The following MPRIP variants were observed in gnomAD, a reference collection of about 807,000 sequenced individuals.
The protein encoded by MPRIP is myosin phosphatase Rho interacting protein.
In MPRIP, 59 loss-of-function variants were observed where a neutral mutation model predicts 234.9. That is an observed-to-expected ratio of 0.25 (90% CI 0.20 to 0.31). The LOEUF is 0.31. Ranked by LOEUF, MPRIP falls within the 10% of genes least tolerant of loss-of-function variation. MPRIP has a pLI of 1.00. For synonymous variants in MPRIP, 1,144 were observed against 1,263.9 expected (o/e 0.91, Z 2.01); for missense variants, 2,436 against 3,071.0 (o/e 0.79, Z 4.89).
chr17:17,162,749 G>A (rs527281333), intron 15 of MPRIP, among the ~76,000 whole-genome samples: 6 of 152,284 alleles, frequency 3.9e-5, no homozygotes, highest in Middle Eastern at 3.4e-3. Flanking sequence ...ATCCAAAACT[G>A]AACGCTGACA....
At chr17:17,089,326 C>G (rs888310570) in intron 3 of MPRIP, among the ~76,000 whole-genome samples, 4 of 152,330 alleles carry the variant, frequency 2.6e-5, no homozygotes, top group Admixed American at 6.5e-5. Flanking sequence ...TTTGCAGGCT[C>G]CAGTGGCCAC....
chr17:17,109,166 A>G (rs1299363273), intron 3 of MPRIP, among the ~76,000 whole-genome samples: 1 of 152,170 alleles, frequency 6.6e-6, no homozygotes, highest in Non-Finnish European at 1.5e-5. Context: ...AAAATATTCA[A>G]TCAGTATCCG....
chr17:17,103,910 A>C (rs759895634), intron 3 of MPRIP, among the ~76,000 whole-genome samples: 1 of 152,062 alleles, frequency 6.6e-6, no homozygotes, highest in Non-Finnish European at 1.5e-5. Context: ...TAGCAGTGAG[A>C]TATCTCCTAG....
chr17:17,171,648 C>T (rs1424687812), intron 16 of MPRIP, 70 bp from the exon 17 acceptor site: 19 of 1,560,390 alleles, frequency 1.2e-5, no homozygotes, highest in Non-Finnish European at 1.6e-5. Flanking sequence ...TTCCTGGCTC[C>T]TTTATTTAAA....
chr17:17,082,045 T>G (rs1291227142), intron 3 of MPRIP, among the ~76,000 whole-genome samples: 1 of 152,102 alleles, frequency 6.6e-6, no homozygotes, highest in African/African-American at 2.4e-5. Context: ...CCTTTGTTTC[T>G]CCACCTGTAA....
At chr17:17,131,576 C>T (rs781358696) in intron 4 of MPRIP, 41 bp from the exon 5 acceptor site, 11 of 1,579,684 alleles carry the variant, frequency 7.0e-6, no homozygotes, top group Middle Eastern at 1.7e-4. Flanking sequence ...TCCCCGAGTG[C>T]CAGGGTCTTA....
intron 1 of MPRIP, chr17:17,057,601 CTG>C (rs1194014368): frequency 1.4e-6 from 1 of 718,100 alleles, no homozygotes. Flanking sequence ...CTGTTCATCA[CTG>C]TTACCAGTTT....
In MPRIP at chr17:17,165,899, C is replaced by T. The variant is rs1270684514; in HGVS notation, c.4308C>T (p.Ser1436=). The T allele has an allele frequency of 1.5e-6, 2 of 1,303,750 alleles. No individual in the cohort carries two copies. The highest frequency in any genetic ancestry group is 2.5e-5 in the South Asian group (2 of 80,964). 80.8% of individuals were successfully genotyped at this position (1,303,750 alleles called of 1,614,324 possible). The part of the protein sequence containing the change: ...EAQLREQLRA[S]LLQVGALASQ... ...AGCTGCGTGAGCAGCTCCGCGCCAG[C>T]CTGCTCCAGGTTGGCGCACTGGCCT... The change falls in exon 16 of 24, where the codon AGC becomes AGT. Residue 1436 remains serine, a synonymous_variant. Transcript: ENST00000651222.
chr17:17,118,167 T>C (rs2090320906), intron 3 of MPRIP, among the ~76,000 whole-genome samples: 1 of 152,240 alleles, frequency 6.6e-6, no homozygotes, highest in African/African-American at 2.4e-5. Context: ...TCACGGGGGC[T>C]GTGTGGCTAG....
At chr17:17,145,966 C>G (rs2045455111) in intron 9 of MPRIP, 70 bp from the exon 10 acceptor site, 2 of 1,431,044 alleles carry the variant, frequency 1.4e-6, no homozygotes, top group Admixed American at 1.8e-5. Context: ...GACAGAAATA[C>G]TGGCCCCATC....
Position 17,042,906 on chromosome 17 carries a change from A to C in MPRIP, c.58A>C (p.Ser20Arg). The C allele has an allele frequency of 6.2e-7, 1 of 1,610,386 alleles. No homozygotes were observed. Among genetic ancestry groups the C allele is most frequent in the South Asian group, 1.1e-5 (1 of 90,964 alleles). The change falls in exon 1 of 24, where the codon AGC becomes CGC. Residue 20 changes from serine to arginine, a missense_variant. Physicochemically the swap from Ser to Arg is moderately radical, Grantham distance 110 (BLOSUM62 -1). Coordinates refer to ENST00000651222, the MANE Select transcript of MPRIP (RefSeq NM_001364716.4). ...ATTCCAGGCCAACATCTTCAACAAG[A>C]GCAAGTGTCAGAACTGCTTCAAGCC... ...RKFQANIFNKSKCQNCFKPRE... is the reference protein window; with the variant it reads ...RKFQANIFNKRKCQNCFKPRE...
chr17:17,049,578 T>G (rs1567680155), intron 1 of MPRIP, among the ~76,000 whole-genome samples: 1 of 152,214 alleles, frequency 6.6e-6, no homozygotes, highest in Non-Finnish European at 1.5e-5. Flanking sequence ...CCCAAGCCAC[T>G]CTTTCCCACC....
At chr17:17,163,989 A>G in intron 15 of MPRIP, 120 bp from the exon 16 acceptor site, 1 of 582,942 alleles carries the variant, frequency 1.7e-6, no homozygotes, top group Non-Finnish European at 2.6e-6. Flanking sequence ...ATAAAGTTGT[A>G]CAAAGGATAA....
chr17:17,179,143 G>A (rs184678214), intron 22 of MPRIP, among the ~76,000 whole-genome samples: 2 of 151,196 alleles, frequency 1.3e-5, no homozygotes, highest in African/African-American at 2.4e-5. Flanking sequence ...GTGAAACCCC[G>A]TCTCTACTAA....
intron 3 of MPRIP, chr17:17,096,944 C>T (rs1233567532): frequency 1.3e-5 from 5 of 393,014 alleles, no homozygotes; most frequent in Non-Finnish European, 2.1e-5. Context: ...AGGGGCCAGC[C>T]ATCGCAGGGA....
chr17:17,159,595 A>C (rs12452802), intron 14 of MPRIP, among the ~76,000 whole-genome samples: 1 of 152,158 alleles, frequency 6.6e-6, no homozygotes, highest in African/African-American at 2.4e-5. Flanking sequence ...ACCTAGGTAC[A>C]TAGATGAACA....
Position 17,158,854 on chromosome 17 carries a change from A to C in MPRIP, c.2252A>C (p.His751Pro). Reference protein sequence around the residue: ...PMSDLKTHNVHVEIEQRWHQV... With the variant: ...PMSDLKTHNVPVEIEQRWHQV... ...AGCGACCTCAAAACGCATAACGTCC[A>C]CGTGGAGATTGAGCAGCGGTGGCAT... Residue 751 changes from histidine to proline, a missense_variant, in exon 14 of 24, where the codon CAC becomes CCC. His to Pro is a moderately conservative substitution (Grantham distance 77, BLOSUM62 -2). Coordinates refer to ENST00000651222, the MANE Select transcript of MPRIP (RefSeq NM_001364716.4). The C allele has an allele frequency of 6.2e-7, 1 of 1,611,862 alleles. No homozygotes were observed. Among genetic ancestry groups the C allele is most frequent in the East Asian group, 2.2e-5 (1 of 44,874 alleles).
chr17:17,123,773 A>G (rs1038481652), intron 3 of MPRIP, among the ~76,000 whole-genome samples: 2 of 151,960 alleles, frequency 1.3e-5, no homozygotes, highest in African/African-American at 4.8e-5. Flanking sequence ...AAATGAGATC[A>G]TCTGATTAAG....
rs2089817035 is a variant in MPRIP at position 17,095,420 on chromosome 17, A to AC, written c.267+17344_267+17345insC. 1.1e-4 allele frequency among the ~76,000 whole-genome samples: 17 copies of AC among 152,270 alleles called. No individual in the cohort carries two copies. The South Asian group carries it at 3.1e-3, about 28-fold the overall frequency. On this transcript the variant is annotated intron_variant, in intron 3 of 23. Transcript: ENST00000651222. Reference sequence around the variant, plus strand: ...AGACCCTAGAATGTCCGCACGTACGAGCCCTCTCGTCTCCATTACATGGAG... The same window carrying AC: ...AGACCCTAGAATGTCCGCACGTACGACGCCCTCTCGTCTCCATTACATGGAG...
Sources: allele counts gnomAD v4.1 joint callset (sites outside exome capture counted in the v4.1 genomes callset), GRCh38; gene constraint gnomAD v4.1.1; transcripts MANE v1.5; gene names NCBI Gene and HGNC (gene_info 2026-07-23, HGNC 2026-07-21).